Variants in DPY19L2 observed in about 807,000 individuals in gnomAD.
The protein encoded by DPY19L2 is dpy-19 like 2, also known as probable C-mannosyltransferase DPY19L2.
Under a neutral mutation model 97.9 loss-of-function variants are expected in DPY19L2, and 34 were observed. The ratio of observed to expected loss-of-function variants is 0.35; its 90% confidence interval spans 0.26 to 0.46. The LOEUF is 0.46. Ranked by LOEUF, DPY19L2 falls within the 20% of genes least tolerant of loss-of-function variation. The pLI, the probability that DPY19L2 is intolerant of heterozygous loss-of-function variation, is 1.00. For synonymous variants in DPY19L2, 230 were observed against 307.9 expected (o/e 0.75, Z 2.65); for missense variants, 623 against 911.4 (o/e 0.68, Z 4.07).
chr12:63,621,039 TG>T (rs562922270), intron 9 of DPY19L2, among the ~76,000 whole-genome samples, 198 bp downstream of exon 9: 184 of 151,526 alleles, frequency 1.2e-3, no homozygotes, highest in African/African-American at 3.8e-3. Context: ...CAACACACAC[TG>T]GGGCCTGTCA....
chr12:63,566,957 T>C (rs547377027), intron 21 of DPY19L2, among the ~76,000 whole-genome samples: 2 of 152,234 alleles, frequency 1.3e-5, no homozygotes, highest in African/African-American at 2.4e-5. Context: ...TCAGGGTAAT[T>C]AGGCTATCCA....
At chr12:63,569,581 A>G (rs1878416776) in intron 20 of DPY19L2, 4 of 268,586 alleles carry the variant, frequency 1.5e-5, no homozygotes, top group Non-Finnish European at 2.9e-5. Flanking sequence ...TCATTACTGT[A>G]TAAGATAGTC....
chr12:63,640,014 T>C (rs1327356547), intron 6 of DPY19L2, among the ~76,000 whole-genome samples: 17 of 152,162 alleles, frequency 1.1e-4, no homozygotes, highest in Non-Finnish European at 2.4e-4. Flanking sequence ...TGGAATACTA[T>C]GCAGCCATAA....
At chr12:63,616,706 C>T (rs1887893171) in intron 11 of DPY19L2, among the ~76,000 whole-genome samples, 1 of 151,722 alleles carries the variant, frequency 6.6e-6, no homozygotes, top group Admixed American at 6.5e-5. Flanking sequence ...AATTATCTTG[C>T]CATCACTCAA....
At chr12:63,635,482 C>A (rs932853505) in intron 6 of DPY19L2, among the ~76,000 whole-genome samples, 2 of 152,088 alleles carry the variant, frequency 1.3e-5, no homozygotes, top group Non-Finnish European at 2.9e-5. Flanking sequence ...TAACAACAAA[C>A]TTCTCCAAGC....
At chr12:63,586,923 T>C (rs1286629407) in intron 16 of DPY19L2, among the ~76,000 whole-genome samples, 2 of 152,090 alleles carry the variant, frequency 1.3e-5, no homozygotes, top group Non-Finnish European at 2.9e-5. Flanking sequence ...TAAAATCAGA[T>C]GGCAGAGAGA....
At chr12:63,634,510 G>A (rs1281398030) in intron 6 of DPY19L2, among the ~76,000 whole-genome samples, 4 of 152,184 alleles carry the variant, frequency 2.6e-5, no homozygotes, top group Non-Finnish European at 4.4e-5. Context: ...AGCACAAAGG[G>A]TTGGGGAATT....
Position 63,578,479 on chromosome 12 carries a change from G to A in DPY19L2, c.1900+2183C>T, listed in dbSNP as rs571915768. ...AGTATAACTGGATTGTTTGTAACAC[G>A]AAGGATCAATGCTTCAGGTGATGGA... On this transcript the variant is annotated intron_variant, in intron 19 of 21. Coordinates refer to ENST00000324472, the MANE Select transcript of DPY19L2 (RefSeq NM_173812.5). Among the ~76,000 whole-genome samples, 276 of 152,170 alleles carry A rather than the reference G, an allele frequency of 1.8e-3. 3 individuals carry two copies. The highest frequency in any genetic ancestry group is 3.7e-3 in the Admixed American group (56 of 15,280).
chr12:63,640,376 T>C (rs1450702680), intron 6 of DPY19L2, among the ~76,000 whole-genome samples: 1 of 152,124 alleles, frequency 6.6e-6, no homozygotes, highest in Admixed American at 6.5e-5. Context: ...TACGAGAGGA[T>C]ATTTTGAAGA....
intron 15 of DPY19L2, 28 bp downstream of exon 15, chr12:63,595,938 A>C: frequency 6.5e-7 from 1 of 1,538,332 alleles, no homozygotes; most frequent in Non-Finnish European, 8.8e-7. Context: ...TTGATGCCAA[A>C]AACAAATAAT....
chr12:63,662,433 A>G (rs991296728), intron 3 of DPY19L2, among the ~76,000 whole-genome samples: 1 of 152,064 alleles, frequency 6.6e-6, no homozygotes, highest in Admixed American at 6.6e-5. Context: ...GAGGATAACA[A>G]AGCAATACAA....
At chr12:63,573,828 C>G (rs1228578030) in intron 19 of DPY19L2, among the ~76,000 whole-genome samples, 1 of 151,966 alleles carries the variant, frequency 6.6e-6, no homozygotes, top group East Asian at 1.9e-4. Context: ...AGTAGTGTAT[C>G]CAGAGAAAAT....
intron 16 of DPY19L2, among the ~76,000 whole-genome samples, chr12:63,590,536 G>A (rs989246459): frequency 7.2e-5 from 11 of 152,106 alleles, no homozygotes; most frequent in African/African-American, 7.2e-5. Context: ...AGGCAGTCAC[G>A]CATGATGGTC....
chr12:63,564,068 A>G (rs1877163227), intron 21 of DPY19L2, among the ~76,000 whole-genome samples: 2 of 152,054 alleles, frequency 1.3e-5, no homozygotes, highest in Admixed American at 1.3e-4. Flanking sequence ...TATGCTTTTC[A>G]TTTCTTCAGA....
chr12:63,661,464 G>A lies in DPY19L2; in HGVS notation c.468C>T (p.Tyr156=), dbSNP rs747309189. 6.8e-5 allele frequency: 107 copies of A among 1,578,710 alleles called. 1 individual carries two copies. In the East Asian group the frequency reaches 1.6e-3, roughly 24 times the overall value. The change falls in exon 4 of 22, where the codon TAC becomes TAT. Residue 156 remains tyrosine, a synonymous_variant. Coordinates refer to ENST00000324472, the MANE Select transcript of DPY19L2 (RefSeq NM_173812.5). ...AAGGTGCTTCAATAATGGTCTTGAA[G>A]TATGAATAATAAAGTCCCTTTTTTT... is the stretch of plus-strand genomic sequence containing the variant. The part of the protein sequence containing the change: ...FRTEMGLYYS[Y]FKTIIEAPSF...
chr12:63,576,985 T>C (rs1185739878), intron 19 of DPY19L2, among the ~76,000 whole-genome samples: 1 of 152,096 alleles, frequency 6.6e-6, no homozygotes, highest in Non-Finnish European at 1.5e-5. Context: ...AAAGCTACCC[T>C]GAGCAAGAAG....
chr12:63,668,514 A>G (rs989408697), upstream of DPY19L2: 5 of 1,054,586 alleles, frequency 4.7e-6, no homozygotes, highest in Admixed American at 1.4e-4. Context: ...GCCGTTGCGG[A>G]CCTCCCGGTC....
At chr12:63,588,816 C>T (rs527843823) in intron 16 of DPY19L2, among the ~76,000 whole-genome samples, 32 of 147,876 alleles carry the variant, frequency 2.2e-4, no homozygotes, top group South Asian at 4.3e-4. Flanking sequence ...TGCGGTGGCG[C>T]GATCTCAGCT....
intron 4 of DPY19L2, among the ~76,000 whole-genome samples, chr12:63,660,489 G>T (rs1389114384): frequency 6.6e-6 from 1 of 151,758 alleles, no homozygotes; most frequent in African/African-American, 2.4e-5. Context: ...TTTAATAAAG[G>T]TATAAGTTGG....
Sources: gnomAD v4.1 joint callset for allele counts (sites outside exome capture counted in the v4.1 genomes callset) on GRCh38, gnomAD v4.1.1 for gene constraint, MANE v1.5 for transcripts, NCBI Gene and HGNC (gene_info 2026-07-23, HGNC 2026-07-21) for gene names.